The following WNT9A variants were observed in gnomAD, a reference collection of about 807,000 sequenced individuals.
WNT9A encodes the protein Wnt family member 9A, also known as protein Wnt-9a.
A neutral mutation model predicts 31.4 loss-of-function variants in WNT9A; 8 were observed. The ratio of observed to expected loss-of-function variants is 0.26; its 90% CI spans 0.15 to 0.46. The LOEUF (loss-of-function observed/expected upper bound fraction) is 0.46. Ranked by LOEUF, WNT9A falls within the 20% of genes least tolerant of loss-of-function variation. The probability of loss-of-function intolerance (pLI) is 0.99; values close to 1 mark genes in which losing one functional copy is unlikely to be tolerated. For synonymous variants in WNT9A, 236 were observed against 220.1 expected (o/e 1.07, Z -0.64); for missense variants, 457 against 522.9 (o/e 0.87, Z 1.23).
chr1:227,938,433 C>A (rs1308651284), intron 1 of WNT9A, among the ~76,000 whole-genome samples: 4 of 151,046 alleles, frequency 2.6e-5, no homozygotes, highest in Non-Finnish European at 5.9e-5. Context: ...CCATACGAAC[C>A]CATAAACCCA....
At chr1:227,930,599 G>A (rs561224830) in intron 1 of WNT9A, among the ~76,000 whole-genome samples, 1 of 152,282 alleles carries the variant, frequency 6.6e-6, no homozygotes, top group Non-Finnish European at 1.5e-5. Context: ...GGTGGCAGCC[G>A]CCATCCTGGT....
At chr1:227,923,913 T>G (rs543438637) in intron 3 of WNT9A, among the ~76,000 whole-genome samples, 1 of 152,162 alleles carries the variant, frequency 6.6e-6, no homozygotes, top group South Asian at 2.1e-4. Flanking sequence ...CTGAGATACC[T>G]CTCCATGGCT....
rs1282462294 is a variant in WNT9A at position 227,919,479 on chromosome 1, C to T, written c.*2039G>A. 1 of 152,162 alleles carries T rather than the reference C, an allele frequency of 6.6e-6. No homozygotes were observed. The highest frequency in any genetic ancestry group is 1.5e-5 in the Non-Finnish European group (1 of 68,034). The allele number at this position is 152,162 out of a possible 1,614,324, so 9.4% of individuals were successfully genotyped here. ...ATAAATAGGTTTTCTTTTAAAAACA[C>T]AGACACCCCGGCTTTCTGGAGACCC... On this transcript the variant is annotated 3_prime_UTR_variant, in exon 4 of 4. Coordinates refer to ENST00000272164, the MANE Select transcript of WNT9A (RefSeq NM_003395.4).
chr1:227,928,353 C>T lies in WNT9A; in HGVS notation c.96-2834G>A, dbSNP rs550503496. ...GCCAGGCAGGGTGGGCAGGGTGGGC[C>T]GTTGGCACTGTCAGAAGGGTGTGGA... On this transcript the variant is annotated intron_variant, in intron 1 of 3. Coordinates refer to ENST00000272164, the MANE Select transcript of WNT9A (RefSeq NM_003395.4). This position sits in a 1 kb window ranked among gnomAD's most constrained non-coding sequence, Gnocchi z 4.5. Among the ~76,000 whole-genome samples the T allele has an allele frequency of 9.9e-5, 15 of 151,930 alleles. No individual in the cohort carries two copies. The highest frequency in any genetic ancestry group is 2.1e-4 in the Non-Finnish European group (14 of 67,936).
rs192659636 is a variant in WNT9A at position 227,928,688 on chromosome 1, C to G, written c.96-3169G>C. On this transcript the variant is annotated intron_variant, in intron 1 of 3. Coordinates refer to ENST00000272164, the MANE Select transcript of WNT9A (RefSeq NM_003395.4). The surrounding 1 kb of genome is among the most constrained non-coding windows in gnomAD (Gnocchi z 4.5). ...GGGCGATCTCAGAGCCTGGGCCCAGCAGAGGGGGCCCAGACCCTCCTGACA... is the reference window on the plus strand; with the variant it reads ...GGGCGATCTCAGAGCCTGGGCCCAGGAGAGGGGGCCCAGACCCTCCTGACA... Among the ~76,000 whole-genome samples, 345 of 152,250 alleles carry G rather than the reference C, an allele frequency of 2.3e-3. No homozygotes were observed. Among genetic ancestry groups the G allele is most frequent in the Non-Finnish European group, 2.7e-3 (182 of 68,004 alleles).
chr1:227,940,591 C>G (rs902241928), intron 1 of WNT9A, among the ~76,000 whole-genome samples: 1 of 152,216 alleles, frequency 6.6e-6, no homozygotes, highest in African/African-American at 2.4e-5. Flanking sequence ...CCAGGAGGGA[C>G]GCCGGCCCTG....
chr1:227,921,849 G>T lies in WNT9A; in HGVS notation c.767C>A (p.Thr256Asn). ...KYETALKVGS[T>N]TNEAAGEAGA... Reference sequence around the variant, plus strand: ...TGCCTCGCCGGCAGCTTCATTGGTGGTGCTGCCCACCTTGAGTGCCGTCTC... The same window carrying T: ...TGCCTCGCCGGCAGCTTCATTGGTGTTGCTGCCCACCTTGAGTGCCGTCTC... Residue 256 changes from threonine to asparagine, a missense_variant, in exon 4 of 4, where the codon ACC (threonine) becomes AAC (asparagine). Physicochemically the swap from Thr to Asn is moderately conservative, Grantham distance 65 (BLOSUM62 0). Coordinates refer to ENST00000272164, the MANE Select transcript of WNT9A (RefSeq NM_003395.4). 3 of 1,613,130 alleles carry T rather than the reference G, an allele frequency of 1.9e-6. No individual in the cohort carries two copies. The highest frequency in any genetic ancestry group is 2.5e-6 in the Non-Finnish European group (3 of 1,179,936).
intron 2 of WNT9A, 131 bp from the exon 3 acceptor site, chr1:227,924,531 C>G: frequency 7.4e-7 from 1 of 1,357,586 alleles, no homozygotes; most frequent in African/African-American, 1.5e-5. Flanking sequence ...GTGCTGCACT[C>G]GGGACAGGGT....
At position 227,928,919 on chromosome 1, in the gene WNT9A, A is replaced by T. The variant is rs943363785; in HGVS notation, c.96-3400T>A. 6.6e-6 allele frequency among the ~76,000 whole-genome samples: 1 copy of T among 152,250 alleles called. No homozygotes were observed. The highest frequency in any genetic ancestry group is 1.9e-4 in the East Asian group (1 of 5,206). On this transcript the variant is annotated intron_variant, in intron 1 of 3. Transcript: ENST00000272164. The surrounding 1 kb of genome is among the most constrained non-coding windows in gnomAD (Gnocchi z 4.5). ...GCACAGCAAAGAACAAAAAAGAGGC[A>T]GCGCAGAGTCCAGAGACCAACAGAC...
Sources: allele counts gnomAD v4.1 joint callset (sites outside exome capture counted in the v4.1 genomes callset), GRCh38; gene constraint gnomAD v4.1.1; non-coding constraint Gnocchi (gnomAD v3.1); transcripts MANE v1.5; gene names NCBI Gene and HGNC (gene_info 2026-07-23, HGNC 2026-07-21).